Variants in ARID1B observed in about 807,000 individuals in gnomAD.
ARID1B encodes the protein AT-rich interactive domain-containing protein 1B.
ARID1B carries 30 observed loss-of-function variants against 212.3 expected under a neutral mutation model. The ratio of observed to expected loss-of-function variants is 0.14; its 90% confidence interval spans 0.11 to 0.19. ARID1B has a LOEUF of 0.19. Ranked by LOEUF, ARID1B falls within the 10% of genes least tolerant of loss-of-function variation. The pLI is 1.00. For missense variants in ARID1B, 2,891 were observed against 3,204.0 expected (o/e 0.90, Z 2.36); for synonymous variants, 1,402 against 1,301.7 (o/e 1.08, Z -1.66).
In ARID1B at chr6:156,901,500, C is replaced by G; in HGVS notation, c.2111C>G (p.Ser704Cys). Residue 704 changes from serine to cysteine, a missense_variant, in exon 3 of 20, where the codon TCC becomes TGC. Ser to Cys is a moderately radical substitution (Grantham distance 112). Transcript: ENST00000636930. ...PPQAQYLPSQ[S>C]QQRYQPQQDM... is the part of the protein sequence containing the mutation. ...CAGGCGCAGTATCTGCCGTCCCAGTCCCAGCAGAGGTACCAGCCGCAGCAG... is the reference window on the plus strand; with the variant it reads ...CAGGCGCAGTATCTGCCGTCCCAGTGCCAGCAGAGGTACCAGCCGCAGCAG... The G allele has an allele frequency of 6.2e-7, 1 of 1,613,792 alleles. No homozygotes were observed. Among genetic ancestry groups the G allele is most frequent in the Non-Finnish European group, 8.5e-7 (1 of 1,179,968 alleles).
rs559139631 is a variant in ARID1B, at chr6:156,998,632, A to G, written c.2247+63056A>G. ...GTGCAGCCGACAGCAGCCTCACACCAGTGGACTCATCCTGAGGCTGGAGAT... is the reference window on the plus strand; with the variant it reads ...GTGCAGCCGACAGCAGCCTCACACCGGTGGACTCATCCTGAGGCTGGAGAT... On this transcript the variant is annotated intron_variant, in intron 4 of 19. Coordinates refer to ENST00000636930, the MANE Select transcript of ARID1B (RefSeq NM_001374828.1). 1.5e-3 allele frequency among the ~76,000 whole-genome samples: 221 copies of G among 152,298 alleles called. 1 individual carries two copies. Among genetic ancestry groups the G allele is most frequent in the Non-Finnish European group, 2.2e-3 (147 of 68,022 alleles).
intron 6 of ARID1B, among the ~76,000 whole-genome samples, chr6:157,131,742 G>A (rs1463964420): frequency 1.3e-5 from 2 of 152,222 alleles, no homozygotes; most frequent in Non-Finnish European, 2.9e-5. Context: ...CCAGGCTGGA[G>A]TGCAGGGGTG....
In ARID1B at chr6:156,929,717, A is replaced by T. The variant is rs1791541270; in HGVS notation, c.2137-5749A>T. On this transcript the variant is annotated intron_variant, in intron 3 of 19. Transcript: ENST00000636930. Reference sequence around the variant, plus strand: ...ACATGACAGTTATCACTTATTCCAGATCCAGACACCATGGAGGCTCTGTTG... The same window carrying T: ...ACATGACAGTTATCACTTATTCCAGTTCCAGACACCATGGAGGCTCTGTTG... 2.0e-5 allele frequency among the ~76,000 whole-genome samples: 3 copies of T among 152,300 alleles called. No individual in the cohort carries two copies. In the South Asian group the frequency reaches 6.2e-4, roughly 32 times the overall value.
intron 8 of ARID1B, 22 bp from the exon 9 acceptor site, chr6:157,167,018 G>A (rs2128290061): frequency 6.2e-7 from 1 of 1,607,600 alleles, no homozygotes; most frequent in Non-Finnish European, 8.5e-7. Flanking sequence ...GTATATGTGT[G>A]CTGTGCTTTC....
intron 2 of ARID1B, among the ~76,000 whole-genome samples, chr6:156,880,333 G>A (rs1786941401): frequency 6.6e-6 from 1 of 152,180 alleles, no homozygotes; most frequent in Non-Finnish European, 1.5e-5. Flanking sequence ...TTACTACAAG[G>A]CATTTCTAAG....
chr6:157,021,579 C>T lies in ARID1B; in HGVS notation c.2248-63083C>T, dbSNP rs993836857. Among the ~76,000 whole-genome samples the T allele has an allele frequency of 9.2e-5, 14 of 152,214 alleles. No homozygotes were observed. The South Asian group carries it at 1.9e-3, about 20-fold the overall frequency. ...ACAGGGGGACGAAAACAACCGCGTC[C>T]TCAGCCTGACTGAACAGGCTCGGAC... On this transcript the variant is annotated intron_variant, in intron 4 of 19. Coordinates refer to ENST00000636930, the MANE Select transcript of ARID1B (RefSeq NM_001374828.1).
chr6:156,940,759 A>G (rs1054417491), intron 4 of ARID1B: 1 of 152,240 alleles, frequency 6.6e-6, no homozygotes. Flanking sequence ...GGATGTTCTA[A>G]GCATGTAGAT....
intron 5 of ARID1B, among the ~76,000 whole-genome samples, chr6:157,108,983 A>G (rs1000511067): frequency 3.9e-5 from 6 of 152,248 alleles, no homozygotes; most frequent in African/African-American, 1.4e-4. Flanking sequence ...AACAAAGCCT[A>G]AACCCCTGAA....
intron 4 of ARID1B, among the ~76,000 whole-genome samples, chr6:157,058,473 C>T (rs1360194052): frequency 6.6e-6 from 1 of 152,144 alleles, no homozygotes; most frequent in Admixed American, 6.5e-5. Context: ...CCATATTGGC[C>T]AGACTGGTCT....
intron 4 of ARID1B, among the ~76,000 whole-genome samples, chr6:157,061,411 A>G (rs1016852042): frequency 2.6e-5 from 4 of 152,234 alleles, no homozygotes; most frequent in African/African-American, 4.8e-5. Flanking sequence ...CCTGCAAGGT[A>G]TGGCAGGTGA....
chr6:156,903,314 A>G (rs1789102383), intron 3 of ARID1B, among the ~76,000 whole-genome samples: 1 of 152,236 alleles, frequency 6.6e-6, no homozygotes, highest in African/African-American at 2.4e-5. Context: ...TGAATACAAT[A>G]AATTATATGG....
intron 2 of ARID1B, among the ~76,000 whole-genome samples, chr6:156,885,464 A>C (rs1787428265): frequency 2.0e-5 from 3 of 152,198 alleles, no homozygotes; most frequent in African/African-American, 4.8e-5. Context: ...TATTTTGCTG[A>C]AAATTCTACC....
chr6:157,056,555 A>G (rs1200095477), intron 4 of ARID1B, among the ~76,000 whole-genome samples: 1 of 152,192 alleles, frequency 6.6e-6, no homozygotes, highest in Non-Finnish European at 1.5e-5. Flanking sequence ...TTCTGTTTTC[A>G]GTGCTGCTGT....
At chr6:157,092,404 C>T (rs1056889557) in intron 5 of ARID1B, among the ~76,000 whole-genome samples, 3 of 152,164 alleles carry the variant, frequency 2.0e-5, no homozygotes, top group African/African-American at 4.8e-5. Flanking sequence ...ATATTCTCAG[C>T]GCTGTTTCTA....
At chr6:157,134,498 T>C (rs890191534) in intron 7 of ARID1B, among the ~76,000 whole-genome samples, 3 of 152,204 alleles carry the variant, frequency 2.0e-5, no homozygotes, top group African/African-American at 7.2e-5. Flanking sequence ...GTCCTGAGAG[T>C]GAGACTTGGT....
At chr6:157,161,771 T>C (rs1790960562) in intron 8 of ARID1B, among the ~76,000 whole-genome samples, 1 of 152,222 alleles carries the variant, frequency 6.6e-6, no homozygotes, top group Admixed American at 6.5e-5. Flanking sequence ...CTCTTGGGTT[T>C]AAGTGATAAA....
rs1314549071 is a variant in ARID1B, at chr6:157,174,099, G to A, written c.3327G>A (p.Gln1109=). The part of the protein sequence containing the change: ...KADGKEEGTP[Q]PESKSKDSYS... ...ACGGCAAAGAAGAAGGCACTCCACA[G>A]CCCGAGAGCAAGTCAAAGGTACTTC... is the stretch of plus-strand genomic sequence containing the variant. Residue 1109 remains glutamine (Q), a synonymous_variant, in exon 10 of 20, where the codon CAG becomes CAA. Transcript: ENST00000636930. 2.5e-6 allele frequency: 4 copies of A among 1,614,054 alleles called. No individual in the cohort carries two copies. The highest frequency in any genetic ancestry group is 3.4e-6 in the Non-Finnish European group (4 of 1,180,020).
At chr6:156,818,206 G>A (rs1782111602) in intron 1 of ARID1B, among the ~76,000 whole-genome samples, 2 of 138,726 alleles carry the variant, frequency 1.4e-5, no homozygotes, top group African/African-American at 5.4e-5. Context: ...GTCAATATAT[G>A]CTTACACATA....
At chr6:157,087,686 A>G (rs746358442) in intron 5 of ARID1B, among the ~76,000 whole-genome samples, 3 of 152,106 alleles carry the variant, frequency 2.0e-5, no homozygotes, top group Non-Finnish European at 2.9e-5. Flanking sequence ...TTCAGAAGAC[A>G]TGTATGTTGT....
Sources: allele counts gnomAD v4.1 joint callset (sites outside exome capture counted in the v4.1 genomes callset), GRCh38; gene constraint gnomAD v4.1.1; transcripts MANE v1.5; gene names NCBI Gene and HGNC (gene_info 2026-07-23, HGNC 2026-07-21).